ACACA: variants seen among roughly 807,000 people sequenced by gnomAD.
ACACA encodes the protein acetyl-CoA carboxylase 1.
ACACA carries 103 observed loss-of-function variants against 296.1 expected under a neutral mutation model. The observed-to-expected ratio is 0.35, with a 90% CI of 0.30 to 0.41. The LOEUF (loss-of-function observed/expected upper bound fraction) is 0.41, where lower values mean the gene tolerates loss of function less well. ACACA is among the 10% of genes least tolerant of loss of function. ACACA has a pLI of 1.00. For synonymous variants in ACACA, 953 were observed against 1,038.6 expected, an observed-to-expected ratio of 0.92 and a Z score of 1.58; for missense variants, 1,554 against 2,989.7, an observed-to-expected ratio of 0.52 and a Z score of 11.20.
intron 42 of ACACA, among the ~76,000 whole-genome samples, chr17:37,157,787 T>A (rs769434706): frequency 5.9e-5 from 9 of 151,934 alleles, no homozygotes; most frequent in Non-Finnish European, 1.3e-4. Context: ...TCCATCTGCC[T>A]CAGCCTCCCA....
intron 41 of ACACA, among the ~76,000 whole-genome samples, chr17:37,174,014 ATATATATTTTTTT>A (rs2077006860): frequency 7.1e-5 from 1 of 14,014 alleles, no homozygotes; most frequent in Non-Finnish European, 1.2e-4. Flanking sequence ...ATATATATAT[ATATATATTTTTTT>A]TTTTTTTTTT....
chr17:37,339,703 G>A, intron 2 of ACACA, 101 bp downstream of exon 2: 1 of 773,862 alleles, frequency 1.3e-6, no homozygotes, highest in South Asian at 1.5e-5. Flanking sequence ...ATATTATTTT[G>A]TGGAAGTCAA....
At chr17:37,270,421 G>A (rs995781215) in intron 10 of ACACA, among the ~76,000 whole-genome samples, 2 of 152,112 alleles carry the variant, frequency 1.3e-5, no homozygotes, top group Non-Finnish European at 2.9e-5. Flanking sequence ...AATACAGAAA[G>A]GTATTGATTT....
In ACACA at chr17:37,248,150, G is replaced by A. The variant is rs1258027850; in HGVS notation, c.2170C>T (p.Arg724Ter). ...ACCACATAGGAGTTGGGGGACTGTCGAGTCACCTGTAGGGAATGAGAATGA... is the reference window on the plus strand; with the variant it reads ...ACCACATAGGAGTTGGGGGACTGTCAAGTCACCTGTAGGGAATGAGAATGA... ...EGVKYVLKVT[R>*]QSPNSYVVIM... The change falls in exon 18 of 56, where the codon CGA (arginine) becomes TGA (stop). Residue 724 changes from arginine (R) to a stop codon, truncating the protein, a stop_gained. Coordinates refer to ENST00000616317, the MANE Select transcript of ACACA (RefSeq NM_198834.3). LOFTEE classifies it high-confidence loss of function. 2 of 1,614,100 alleles carry A rather than the reference G, an allele frequency of 1.2e-6. No individual in the cohort carries two copies. The highest frequency in any genetic ancestry group is 1.7e-6 in the Non-Finnish European group (2 of 1,179,986).
intron 10 of ACACA, among the ~76,000 whole-genome samples, chr17:37,268,355 C>T (rs2081891231): frequency 6.6e-6 from 1 of 152,192 alleles, no homozygotes; most frequent in South Asian, 2.1e-4. Context: ...AATCCTAAAA[C>T]ATCTTGCTTA....
At chr17:37,286,409 C>T (rs1429231236) in intron 3 of ACACA, among the ~76,000 whole-genome samples, 2 of 152,152 alleles carry the variant, frequency 1.3e-5, no homozygotes, top group East Asian at 3.8e-4. Context: ...TGGTTATTTA[C>T]CTATTGTCTC....
At chr17:37,210,621 A>C (rs1307809528) in intron 29 of ACACA, 131 bp from the exon 30 acceptor site, 21 of 814,290 alleles carry the variant, frequency 2.6e-5, no homozygotes, top group Non-Finnish European at 4.0e-5. Flanking sequence ...AGACATAATT[A>C]AGTGCTCATT....
chr17:37,088,322 T>G (rs1037121226), intron 55 of ACACA, among the ~76,000 whole-genome samples: 1 of 152,164 alleles, frequency 6.6e-6, no homozygotes, highest in African/African-American at 2.4e-5. Flanking sequence ...GTAACACCCT[T>G]AAGTAGTTCA....
intron 32 of ACACA, 49 bp downstream of exon 32, chr17:37,206,733 AG>A: frequency 7.2e-7 from 1 of 1,386,588 alleles, no homozygotes; most frequent in Non-Finnish European, 1.0e-6. Context: ...ATACAGTAGA[AG>A]TCCCATGTCT....
intron 42 of ACACA, among the ~76,000 whole-genome samples, chr17:37,158,489 G>A (rs531584883): frequency 6.6e-6 from 1 of 152,072 alleles, no homozygotes; most frequent in East Asian, 1.9e-4. Context: ...AATTAGCCAG[G>A]CATGCTGGTG....
intron 14 of ACACA, among the ~76,000 whole-genome samples, chr17:37,257,443 T>C (rs1166412045): frequency 6.6e-6 from 1 of 152,154 alleles, no homozygotes; most frequent in Admixed American, 6.5e-5. Context: ...AGCAATCAAT[T>C]TTATACATTT....
intron 1 of ACACA, among the ~76,000 whole-genome samples, chr17:37,390,705 A>T (rs1258714944): frequency 6.6e-6 from 1 of 151,012 alleles, no homozygotes; most frequent in Admixed American, 6.6e-5. Flanking sequence ...AGGTGGGAGG[A>T]TCACTTGGGC....
intron 45 of ACACA, among the ~76,000 whole-genome samples, chr17:37,136,181 G>C (rs1481360738): frequency 6.6e-6 from 1 of 152,042 alleles, no homozygotes; most frequent in Non-Finnish European, 1.5e-5. Context: ...AATCAAGATA[G>C]AGAGCATTTT....
At chr17:37,239,839 A>G (rs1477280576) in intron 24 of ACACA, among the ~76,000 whole-genome samples, 1 of 152,206 alleles carries the variant, frequency 6.6e-6, no homozygotes, top group East Asian at 1.9e-4. Context: ...AGTGAAAAGG[A>G]GCAGATAAAG....
At chr17:37,165,980 G>T (rs1225299482) in intron 41 of ACACA, among the ~76,000 whole-genome samples, 1 of 151,888 alleles carries the variant, frequency 6.6e-6, no homozygotes, top group Non-Finnish European at 1.5e-5. Flanking sequence ...CCCAGCCTGA[G>T]AATTCTTCTG....
At chr17:37,237,947 G>A (rs2080193252) in intron 24 of ACACA, among the ~76,000 whole-genome samples, 1 of 152,154 alleles carries the variant, frequency 6.6e-6, no homozygotes, top group Non-Finnish European at 1.5e-5. Flanking sequence ...TTTTTTTAGA[G>A]ACGGGGTCTT....
At chr17:37,330,040 A>G (rs2047801676) in intron 3 of ACACA, 133 bp downstream of exon 3, 1 of 1,162,784 alleles carries the variant, frequency 8.6e-7, no homozygotes, top group East Asian at 2.5e-5. Flanking sequence ...GACTTCCTCA[A>G]CAAAGCTTTG....
intron 1 of ACACA, among the ~76,000 whole-genome samples, chr17:37,405,588 C>T (rs2051453504): frequency 6.6e-6 from 1 of 152,036 alleles, no homozygotes; most frequent in African/African-American, 2.4e-5. Flanking sequence ...GTTTCGCTCT[C>T]GTTGCCCAGG....
At chr17:37,288,385 A>G (rs1409446522) in intron 3 of ACACA, among the ~76,000 whole-genome samples, 1 of 152,240 alleles carries the variant, frequency 6.6e-6, no homozygotes, top group Admixed American at 6.5e-5. Context: ...CCTCATGTTC[A>G]GAGAAGGAAA....
Sources: gnomAD v4.1 joint callset for allele counts (sites outside exome capture counted in the v4.1 genomes callset) on GRCh38, gnomAD v4.1.1 for gene constraint, MANE v1.5 for transcripts, NCBI Gene and HGNC (gene_info 2026-07-23, HGNC 2026-07-21) for gene names.